Variants in SOCS5 observed in about 807,000 individuals in gnomAD.
SOCS5 encodes suppressor of cytokine signaling 5, also known as CIS-6.
Under a neutral mutation model 42.8 loss-of-function variants are expected in SOCS5, and 32 were observed. That is an observed-to-expected ratio of 0.75 (90% CI 0.56 to 1.01). SOCS5 has a LOEUF of 1.01. Ranked by LOEUF, SOCS5 falls within the 50% of genes least tolerant of loss-of-function variation. SOCS5 has a pLI of 0.00. For missense variants in SOCS5, 627 were observed against 653.0 expected, an observed-to-expected ratio of 0.96 and a Z score of 0.43; for synonymous variants, 283 against 229.6, an observed-to-expected ratio of 1.23 and a Z score of -2.10.
At chr2:46,710,433 C>T (rs1474822264) in intron 1 of SOCS5, among the ~76,000 whole-genome samples, 1 of 152,192 alleles carries the variant, frequency 6.6e-6, no homozygotes, top group African/African-American at 2.4e-5. Flanking sequence ...GTGTGAGCCG[C>T]AGTGCCTGGC....
chr2:46,736,125 C>T (rs1259393994), intron 1 of SOCS5, among the ~76,000 whole-genome samples: 1 of 151,788 alleles, frequency 6.6e-6, no homozygotes, highest in Non-Finnish European at 1.5e-5. Flanking sequence ...ACTGCAGCCT[C>T]GACTTTCTGG....
chr2:46,761,703 A>G lies in SOCS5; in HGVS notation c.*1562A>G, dbSNP rs1411035798. 1 of 166,774 alleles carries G rather than the reference A, an allele frequency of 6.0e-6. No homozygotes were observed. The highest frequency in any genetic ancestry group is 1.5e-5 in the Non-Finnish European group (1 of 68,098). 10.3% of individuals were successfully genotyped at this position (166,774 alleles called of 1,614,324 possible). A position where few individuals can be genotyped will look rare whatever the true frequency, so the allele number is the denominator to read the frequency against. On this transcript the variant is annotated 3_prime_UTR_variant, in exon 2 of 2. Coordinates refer to ENST00000394861, the MANE Select transcript of SOCS5 (RefSeq NM_144949.3). The stretch of plus-strand genomic sequence containing the variant: ...ATAAGCATTAACTAACAACCTTTCT[A>G]TAGTTAATGCAGAGTTAATGAACAG...
intron 1 of SOCS5, among the ~76,000 whole-genome samples, chr2:46,749,399 A>C (rs927284125): frequency 6.6e-6 from 1 of 152,222 alleles, no homozygotes; most frequent in Admixed American, 6.5e-5. Context: ...GGTCTCTAAC[A>C]CAGCTAGTGG....
chr2:46,727,090 A>T (rs1290459457), intron 1 of SOCS5, among the ~76,000 whole-genome samples: 8 of 147,260 alleles, frequency 5.4e-5, no homozygotes, highest in African/African-American at 1.8e-4. Flanking sequence ...AATGGCTTCT[A>T]CTTATTTGTT....
At chr2:46,745,780 C>A (rs1184596730) in intron 1 of SOCS5, among the ~76,000 whole-genome samples, 1 of 152,116 alleles carries the variant, frequency 6.6e-6, no homozygotes, top group Non-Finnish European at 1.5e-5. Flanking sequence ...ACCTTTTTAA[C>A]CATTTGAAAT....
intron 1 of SOCS5, among the ~76,000 whole-genome samples, chr2:46,737,482 G>C (rs529681462): frequency 6.6e-6 from 1 of 152,264 alleles, no homozygotes; most frequent in South Asian, 2.1e-4. Flanking sequence ...TCTGATAACT[G>C]ATTATTATTA....
chr2:46,702,103 A>C (rs974392603), intron 1 of SOCS5, among the ~76,000 whole-genome samples: 1 of 152,168 alleles, frequency 6.6e-6, no homozygotes, highest in Non-Finnish European at 1.5e-5. Flanking sequence ...GAGGGTGTTA[A>C]AAGTACCTAC....
At chr2:46,724,227 C>CT (rs571189318) in intron 1 of SOCS5, among the ~76,000 whole-genome samples, 141 of 143,082 alleles carry the variant, frequency 9.9e-4, no homozygotes, top group South Asian at 9.2e-3. Context: ...AATTTGTCTG[C>CT]TTTTTTTTTT....
chr2:46,725,252 T>C (rs546535060), intron 1 of SOCS5, among the ~76,000 whole-genome samples: 4 of 152,088 alleles, frequency 2.6e-5, no homozygotes, highest in Non-Finnish European at 4.4e-5. Context: ...ACTTATCTCA[T>C]CATATTTGAA....
intron 1 of SOCS5, among the ~76,000 whole-genome samples, chr2:46,758,120 T>C (rs1673769074): frequency 6.6e-6 from 1 of 152,274 alleles, no homozygotes; most frequent in African/African-American, 2.4e-5. Context: ...ACAAATGTTC[T>C]AGTTACAACT....
intron 1 of SOCS5, among the ~76,000 whole-genome samples, chr2:46,747,516 A>G (rs1349096350): frequency 2.6e-5 from 4 of 152,124 alleles, no homozygotes; most frequent in African/African-American, 9.7e-5. Context: ...ATGCCCGGCT[A>G]GTCTCTTTTA....
At chr2:46,745,265 T>C (rs1673472940) in intron 1 of SOCS5, among the ~76,000 whole-genome samples, 1 of 152,220 alleles carries the variant, frequency 6.6e-6, no homozygotes, top group Admixed American at 6.5e-5. Flanking sequence ...GTCTCAATTT[T>C]AAGCCATGTT....
chr2:46,762,666 A>C lies in SOCS5; in HGVS notation c.*2525A>C, dbSNP rs1409302172. On this transcript the variant is annotated 3_prime_UTR_variant, in exon 2 of 2. Coordinates refer to ENST00000394861, the MANE Select transcript of SOCS5 (RefSeq NM_144949.3). ...AGAAAAATCACCAGCATGAACTTGC[A>C]CCTAAGTCTATATTCACTGTGTCCT... is the stretch of plus-strand genomic sequence containing the variant. The C allele has an allele frequency of 2.4e-5, 4 of 166,196 alleles. No individual in the cohort carries two copies. The highest frequency in any genetic ancestry group is 5.9e-5 in the Non-Finnish European group (4 of 68,086). The allele number at this position is 166,196 out of a possible 1,614,324, so 10.3% of individuals were successfully genotyped here. A position where few individuals can be genotyped will look rare whatever the true frequency, so the allele number is the denominator to read the frequency against.
At position 46,759,905 on chromosome 2, in the gene SOCS5, T is replaced by C. The variant is rs1376276749; in HGVS notation, c.1375T>C (p.Tyr459His). The change falls in exon 2 of 2, where the codon TAT becomes CAT. Residue 459 changes from tyrosine (Y) to histidine (H), a missense_variant. Around this residue, in one of 3 missense-constraint regions of SOCS5, gnomAD observed 340 missense variants for 367.6 expected, o/e 0.92. Transcript: ENST00000394861. ...CACTGTAACGGGACTTTTAGAACAT[T>C]ATAAAGATCCCAGTTCGTGCATGTT... is the stretch of plus-strand genomic sequence containing the variant. ...SSTVTGLLEH[Y>H]KDPSSCMFFE... 6.2e-7 allele frequency: 1 copy of C among 1,614,150 alleles called. No individual in the cohort carries two copies. Among genetic ancestry groups the C allele is most frequent in the Non-Finnish European group, 8.5e-7 (1 of 1,180,016 alleles).
chr2:46,710,131 T>G (rs534018070), intron 1 of SOCS5, among the ~76,000 whole-genome samples: 3 of 152,112 alleles, frequency 2.0e-5, no homozygotes, highest in East Asian at 1.9e-4. Flanking sequence ...TTTTGGTGGT[T>G]GTTTTCCTTT....
intron 1 of SOCS5, among the ~76,000 whole-genome samples, chr2:46,719,601 T>C (rs1338602564): frequency 6.6e-6 from 1 of 152,198 alleles, no homozygotes; most frequent in Non-Finnish European, 1.5e-5. Flanking sequence ...CTCAGTAAAA[T>C]ATTATGTTTG....
At chr2:46,704,408 CGGGAACT>C in intron 1 of SOCS5, among the ~76,000 whole-genome samples, 1 of 152,200 alleles carries the variant, frequency 6.6e-6, no homozygotes, top group South Asian at 2.1e-4. Flanking sequence ...GGAAATGATA[CGGGAACT>C]GCAGGTTAGA....
chr2:46,699,522 C>T lies in SOCS5; in HGVS notation c.-13+73C>T, dbSNP rs1489994863. On this transcript the variant is annotated intron_variant, in intron 1 of 1. Coordinates refer to ENST00000394861, the MANE Select transcript of SOCS5 (RefSeq NM_144949.3). The surrounding 1 kb of genome is among the most constrained non-coding windows in gnomAD (Gnocchi z 4.8). ...CCCGCGCCGTCGTCCGCGGCCGCCT[C>T]TCGGTGCCCCAGTGCCCGCGCCCGG... The T allele has an allele frequency of 6.6e-6, 1 of 151,764 alleles. No individual in the cohort carries two copies. The highest frequency in any genetic ancestry group is 1.5e-5 in the Non-Finnish European group (1 of 67,838). 9.4% of individuals were successfully genotyped at this position (151,764 alleles called of 1,614,324 possible).
Position 46,707,332 on chromosome 2 carries a change from A to G in SOCS5, c.-13+7883A>G, listed in dbSNP as rs146441823. On this transcript the variant is annotated intron_variant, in intron 1 of 1. Transcript: ENST00000394861. ...TTGACCATGTTAATAAGGCTATGAA[A>G]ATAAGCTAATTGAGAGTTGGTGTGT... Among the ~76,000 whole-genome samples, 859 of 152,316 alleles carry G rather than the reference A, an allele frequency of 5.6e-3. 5 individuals are homozygous for G. The highest frequency in any genetic ancestry group is 9.1e-3 in the Non-Finnish European group (617 of 68,012).
Sources: allele counts gnomAD v4.1 joint callset (sites outside exome capture counted in the v4.1 genomes callset), GRCh38; gene constraint gnomAD v4.1.1; regional missense constraint gnomAD v4.1.1; non-coding constraint Gnocchi (gnomAD v3.1); transcripts MANE v1.5; gene names NCBI Gene and HGNC (gene_info 2026-07-23, HGNC 2026-07-21).